TRAM1: variants seen among roughly 807,000 people sequenced by gnomAD.
TRAM1 encodes the protein translocating chain-associated membrane protein 1.
TRAM1 carries 17 observed loss-of-function variants against 48.7 expected under a neutral mutation model. That is an observed-to-expected ratio of 0.35 (90% CI 0.24 to 0.52). The LOEUF (loss-of-function observed/expected upper bound fraction) is 0.52. Among genes scored for constraint, TRAM1 ranks in the 20% least tolerant of loss-of-function variants. TRAM1 has a pLI of 0.94. For synonymous variants in TRAM1, 182 were observed against 154.0 expected (o/e 1.18, Z -1.34); for missense variants, 351 against 441.5 (o/e 0.79, Z 1.84).
At chr8:70,607,067 A>G (rs1484740919) in intron 1 of TRAM1, 1 of 929,604 alleles carries the variant, frequency 1.1e-6, no homozygotes, top group Non-Finnish European at 1.3e-6. Flanking sequence ...AGGCAGGAGC[A>G]AAATAATTTG....
chr8:70,575,328 G>A (rs886745577), intron 10 of TRAM1, among the ~76,000 whole-genome samples: 13 of 152,220 alleles, frequency 8.5e-5, no homozygotes, highest in Non-Finnish European at 1.6e-4. Flanking sequence ...TGACAGCGAA[G>A]TCCTTGGGGA....
chr8:70,593,753 A>G (rs1158792686), intron 6 of TRAM1, among the ~76,000 whole-genome samples: 2 of 152,318 alleles, frequency 1.3e-5, no homozygotes. Flanking sequence ...GCAGAGAAAG[A>G]GGTCCCCGAG....
At chr8:70,585,868 T>C (rs974989958) in intron 8 of TRAM1, among the ~76,000 whole-genome samples, 22 of 141,976 alleles carry the variant, frequency 1.5e-4, no homozygotes, top group African/African-American at 5.7e-4. Flanking sequence ...AGTGTGGTGA[T>C]TCCTCAGGGA....
chr8:70,594,067 C>CT (rs904817708), intron 6 of TRAM1, among the ~76,000 whole-genome samples: 26 of 152,064 alleles, frequency 1.7e-4, no homozygotes, highest in Middle Eastern at 3.4e-3. Context: ...ATATATTTTA[C>CT]TTTTTTTTCC....
chr8:70,582,519 G>GA (rs75737537), intron 10 of TRAM1, among the ~76,000 whole-genome samples: 2,031 of 98,800 alleles, frequency 0.021, 20 homozygotes, highest in African/African-American at 0.029. Flanking sequence ...GGACAAACTT[G>GA]AAAAAAAAAA....
chr8:70,591,909 T>C (rs1373118332), intron 6 of TRAM1, among the ~76,000 whole-genome samples: 1 of 151,876 alleles, frequency 6.6e-6, no homozygotes, highest in Non-Finnish European at 1.5e-5. Context: ...GTGGAAAAAA[T>C]GTCATCAGAT....
At chr8:70,596,906 GT>G (rs1016866510) in intron 4 of TRAM1, among the ~76,000 whole-genome samples, 3 of 150,026 alleles carry the variant, frequency 2.0e-5, no homozygotes, top group African/African-American at 4.9e-5. Flanking sequence ...TAACTTTTAT[GT>G]TTTTTTAAAA....
intron 10 of TRAM1, among the ~76,000 whole-genome samples, chr8:70,576,842 C>G (rs373885): frequency 0.89 from 135,304 of 151,718 alleles, 60,817 homozygotes; most frequent in Middle Eastern, 0.96. Flanking sequence ...TGTAGTTCTT[C>G]GGTGTTCAGG....
rs925290415 is a variant in TRAM1, at chr8:70,607,175, G to A, written c.123+902C>T. On this transcript the variant is annotated intron_variant, in intron 1 of 10. Coordinates refer to ENST00000262213, the MANE Select transcript of TRAM1 (RefSeq NM_014294.6). ...TTGGGGAGCGAGGGGAAAAACGTAG[G>A]ATGTTACTCGTTCACCTTGCAAAGT... The A allele has an allele frequency of 9.1e-6, 9 of 985,190 alleles. No homozygotes were observed. In the African/African-American group the frequency reaches 1.6e-4, roughly 17 times the overall value. 61.0% of individuals were successfully genotyped at this position (985,190 alleles called of 1,614,324 possible).
chr8:70,596,688 A>G (rs1222003157), intron 4 of TRAM1, among the ~76,000 whole-genome samples: 2 of 152,108 alleles, frequency 1.3e-5, no homozygotes, highest in African/African-American at 4.8e-5. Flanking sequence ...GATTTCAGGA[A>G]AAGTTTGTAG....
chr8:70,578,018 C>G (rs1010104408), intron 10 of TRAM1, among the ~76,000 whole-genome samples: 12 of 152,228 alleles, frequency 7.9e-5, no homozygotes, highest in African/African-American at 2.9e-4. Flanking sequence ...CCACACACCC[C>G]CTGCTGCTCC....
At chr8:70,597,302 G>A (rs186537781) in intron 4 of TRAM1, among the ~76,000 whole-genome samples, 1 of 152,224 alleles carries the variant, frequency 6.6e-6, no homozygotes, top group Non-Finnish European at 1.5e-5. Context: ...TTTAAAGGAG[G>A]AAATGACTGT....
chr8:70,586,626 CAACA>C lies in TRAM1; in HGVS notation c.746+265_746+268del, dbSNP rs781660041. Among the ~76,000 whole-genome samples, 67 of 152,112 alleles carry C rather than the reference CAACA, an allele frequency of 4.4e-4. 1 individual carries two copies. The highest frequency in any genetic ancestry group is 1.5e-3 in the South Asian group (7 of 4,808). On this transcript the variant is annotated intron_variant, in intron 8 of 10. Transcript: ENST00000262213. ...TCACTCCTCCAAAAGAAAAACCATGCAACAAACAAAGTAAAAGTTATAACAGAAA... is the reference window on the plus strand; with the variant it reads ...TCACTCCTCCAAAAGAAAAACCATGCAACAAAGTAAAAGTTATAACAGAAA...
intron 5 of TRAM1, 39 bp downstream of exon 5, chr8:70,596,223 AT>A (rs1248872254): frequency 6.7e-7 from 1 of 1,492,036 alleles, no homozygotes; most frequent in South Asian, 1.3e-5. Context: ...TGACATGACC[AT>A]GGTCCTTAAC....
At position 70,574,889 on chromosome 8, in the gene TRAM1, A is replaced by C; in HGVS notation, c.*43T>G. The stretch of plus-strand genomic sequence containing the variant: ...TCTAATGCTGAAAGATATAGTAGAA[A>C]GCAGATTTCTTTGGGGACATTAATC... On this transcript the variant is annotated 3_prime_UTR_variant, in exon 11 of 11. Transcript: ENST00000262213. The C allele has an allele frequency of 7.6e-7, 1 of 1,313,552 alleles. No homozygotes were observed. Among genetic ancestry groups the C allele is most frequent in the South Asian group, 1.2e-5 (1 of 82,096 alleles). 81.4% of individuals were successfully genotyped at this position (1,313,552 alleles called of 1,614,324 possible). A position where few individuals can be genotyped will look rare whatever the true frequency, so the allele number is the denominator to read the frequency against.
chr8:70,596,896 T>G (rs1055768660), intron 4 of TRAM1, among the ~76,000 whole-genome samples: 4 of 151,582 alleles, frequency 2.6e-5, no homozygotes, highest in African/African-American at 9.7e-5. Flanking sequence ...CACAGAAGTA[T>G]AACTTTTATG....
At chr8:70,587,947 T>C (rs1267842987) in intron 6 of TRAM1, among the ~76,000 whole-genome samples, 3 of 152,222 alleles carry the variant, frequency 2.0e-5, no homozygotes, top group Admixed American at 2.0e-4. Context: ...CCAGGTGTGA[T>C]GGTTCATGCC....
At chr8:70,581,411 C>T (rs546671504) in intron 10 of TRAM1, among the ~76,000 whole-genome samples, 2 of 152,302 alleles carry the variant, frequency 1.3e-5, no homozygotes, top group South Asian at 4.1e-4. Flanking sequence ...CAGAAATAAA[C>T]TTTTCTTAAA....
chr8:70,580,332 A>G (rs1817048592), intron 10 of TRAM1, among the ~76,000 whole-genome samples: 2 of 152,224 alleles, frequency 1.3e-5, no homozygotes, highest in African/African-American at 4.8e-5. Context: ...AAATCCATCA[A>G]GAGATAAAAA....
Sources: gnomAD v4.1 joint callset for allele counts (sites outside exome capture counted in the v4.1 genomes callset) on GRCh38, gnomAD v4.1.1 for gene constraint, MANE v1.5 for transcripts, NCBI Gene and HGNC (gene_info 2026-07-23, HGNC 2026-07-21) for gene names.